The following KPNA6 variants were observed in gnomAD, a reference collection of about 807,000 sequenced individuals.
The protein encoded by KPNA6 is importin subunit alpha-7.
In KPNA6, 9 loss-of-function variants were observed where a neutral mutation model predicts 72.0. The ratio of observed to expected loss-of-function variants is 0.13; its 90% CI spans 0.08 to 0.22. The LOEUF is 0.22. Ranked by LOEUF, KPNA6 falls within the 10% of genes least tolerant of loss-of-function variation. The probability of loss-of-function intolerance (pLI) is 1.00; values close to 1 mark genes in which losing one functional copy is unlikely to be tolerated. For missense variants in KPNA6, 374 were observed against 655.7 expected (o/e 0.57, Z 4.69); for synonymous variants, 219 against 242.1 (o/e 0.90, Z 0.89).
intron 1 of KPNA6, among the ~76,000 whole-genome samples, chr1:32,109,798 C>G (rs767656514): frequency 3.3e-5 from 5 of 151,784 alleles, no homozygotes; most frequent in African/African-American, 9.7e-5. Context: ...GTGCCCGCCA[C>G]CACGCCTGGA....
chr1:32,157,295 A>C (rs777174001), intron 3 of KPNA6, 51 bp from the exon 4 acceptor site: 2 of 1,398,990 alleles, frequency 1.4e-6, no homozygotes, highest in South Asian at 2.3e-5. Flanking sequence ...ATGTGCTCAC[A>C]TCTGGCTCTA....
At chr1:32,114,449 A>T (rs1014221035) in intron 1 of KPNA6, among the ~76,000 whole-genome samples, 64 of 146,284 alleles carry the variant, frequency 4.4e-4, no homozygotes, top group Admixed American at 2.2e-3. Flanking sequence ...CTCAAAAAAA[A>T]AAATATATAT....
intron 8 of KPNA6, 129 bp downstream of exon 8, chr1:32,162,175 T>C: frequency 1.1e-6 from 1 of 908,680 alleles, no homozygotes; most frequent in South Asian, 1.5e-5. Context: ...GTGAAGTAGA[T>C]GATCTTGTGT....
In KPNA6 at chr1:32,171,059, A is replaced by G; in HGVS notation, c.*165A>G. 1 of 618,842 alleles carries G rather than the reference A, an allele frequency of 1.6e-6. No homozygotes were observed. The allele number at this position is 618,842 out of a possible 1,614,324, so 38.3% of individuals were successfully genotyped here. ...CTCCGCCCCCTTCCCTGGAGGGAGCACCCTCTGGACAGACAGAACCATCTG... is the reference window on the plus strand; with the variant it reads ...CTCCGCCCCCTTCCCTGGAGGGAGCGCCCTCTGGACAGACAGAACCATCTG... On this transcript the variant is annotated 3_prime_UTR_variant, in exon 14 of 14. Transcript: ENST00000373625.
intron 1 of KPNA6, among the ~76,000 whole-genome samples, chr1:32,112,437 T>C (rs1641257396): frequency 6.6e-6 from 1 of 152,196 alleles, no homozygotes; most frequent in South Asian, 2.1e-4. Context: ...CTTTATACTA[T>C]ACTGTAGTCT....
chr1:32,148,132 TCTCA>T (rs1641963643), intron 1 of KPNA6, among the ~76,000 whole-genome samples: 1 of 152,192 alleles, frequency 6.6e-6, no homozygotes, highest in African/African-American at 2.4e-5. Flanking sequence ...TGAGACAGAA[TCTCA>T]CTCTATCACC....
intron 1 of KPNA6, among the ~76,000 whole-genome samples, chr1:32,132,491 T>C (rs920283523): frequency 6.6e-6 from 1 of 152,218 alleles, no homozygotes. Context: ...GGTTTTGCCA[T>C]GTTGCCCAGA....
At chr1:32,160,801 A>G in intron 7 of KPNA6, 98 bp downstream of exon 7, 1 of 824,416 alleles carries the variant, frequency 1.2e-6, no homozygotes, top group Non-Finnish European at 2.1e-6. Flanking sequence ...ATGATAGGTA[A>G]GTGCAAAAAC....
rs548218705 is a variant in KPNA6, at chr1:32,157,013, G to A, written c.231+68G>A. ...TGCTTCTAAGGACAGAAATTGGGCC[G>A]TTCACATCATCTACCAGCTTTGCCA... is the stretch of plus-strand genomic sequence containing the variant. On this transcript the variant is annotated intron_variant, in intron 3 of 13. Transcript: ENST00000373625. 1.9e-4 allele frequency: 214 copies of A among 1,131,698 alleles called. 1 individual carries two copies. Among genetic ancestry groups the A allele is most frequent in the Non-Finnish European group, 2.6e-4 (199 of 761,254 alleles). The allele number at this position is 1,131,698 out of a possible 1,614,324, so 70.1% of individuals were successfully genotyped here. A position where few individuals can be genotyped will look rare whatever the true frequency, so the allele number is the denominator to read the frequency against.
chr1:32,169,320 G>C (rs994569937), intron 12 of KPNA6, among the ~76,000 whole-genome samples: 1 of 150,614 alleles, frequency 6.6e-6, no homozygotes, highest in Non-Finnish European at 1.5e-5. Context: ...AGCTGGGATC[G>C]CACCAGTGCA....
intron 6 of KPNA6, among the ~76,000 whole-genome samples, chr1:32,160,299 CA>C (rs535456428): frequency 0.21 from 16,018 of 77,382 alleles, 780 homozygotes; most frequent in South Asian, 0.31. Flanking sequence ...GACTCCGTCT[CA>C]AAAAAAAAAA....
intron 1 of KPNA6, among the ~76,000 whole-genome samples, chr1:32,154,188 C>T (rs958963674): frequency 5.9e-5 from 9 of 151,900 alleles, no homozygotes; most frequent in Non-Finnish European, 1.0e-4. Flanking sequence ...GTCTGCAGAC[C>T]CCTGGGATTA....
Position 32,117,089 on chromosome 1 carries a change from G to A in KPNA6, c.4+8955G>A, listed in dbSNP as rs565595870. Among the ~76,000 whole-genome samples the A allele has an allele frequency of 2.7e-4, 41 of 151,862 alleles. No individual in the cohort carries two copies. In the South Asian group the frequency reaches 7.3e-3, roughly 27 times the overall value. ...ATATTACGAGAATTACCAAAATGTG[G>A]CACAAAGTGAACACATGCTGCTGGA... On this transcript the variant is annotated intron_variant, in intron 1 of 13. Transcript: ENST00000373625.
chr1:32,116,033 T>G (rs1270486323), intron 1 of KPNA6, among the ~76,000 whole-genome samples: 1 of 152,126 alleles, frequency 6.6e-6, no homozygotes, highest in African/African-American at 2.4e-5. Flanking sequence ...CATAAGCCAC[T>G]GCGCTCGGCT....
At chr1:32,110,822 G>A (rs1429070735) in intron 1 of KPNA6, among the ~76,000 whole-genome samples, 4 of 152,254 alleles carry the variant, frequency 2.6e-5, no homozygotes, top group South Asian at 2.1e-4. Flanking sequence ...GCTTGAACCC[G>A]GGAGGCGGAG....
At position 32,172,087 on chromosome 1, in the gene KPNA6, A is replaced by G. The variant is rs887814993; in HGVS notation, c.*1193A>G. ...TATATTCTATATATTAGGTAGGTCA[A>G]TCTTAATTGGTCTCAAGAGGAAGAA... On this transcript the variant is annotated 3_prime_UTR_variant, in exon 14 of 14. Transcript: ENST00000373625. 6.6e-6 allele frequency: 1 copy of G among 152,148 alleles called. No individual in the cohort carries two copies. The highest frequency in any genetic ancestry group is 2.4e-5 in the African/African-American group (1 of 41,430). The allele number at this position is 152,148 out of a possible 1,614,324, so 9.4% of individuals were successfully genotyped here.
chr1:32,145,041 C>T (rs529100865), intron 1 of KPNA6, among the ~76,000 whole-genome samples: 23 of 151,880 alleles, frequency 1.5e-4, no homozygotes, highest in African/African-American at 5.3e-4. Flanking sequence ...CAAACTCCGC[C>T]TCCCAGGTTC....
At position 32,170,958 on chromosome 1, in the gene KPNA6, G is replaced by T; in HGVS notation, c.*64G>T. The T allele has an allele frequency of 6.8e-7, 1 of 1,474,436 alleles. No individual in the cohort carries two copies. 91.3% of individuals were successfully genotyped at this position (1,474,436 alleles called of 1,614,324 possible). On this transcript the variant is annotated 3_prime_UTR_variant, in exon 14 of 14. Transcript: ENST00000373625. The stretch of plus-strand genomic sequence containing the variant: ...CCAGCCAGCGGAAGAGCAGCCCTCT[G>T]GTGGGCGGGAAACCAGTGTCCCCAC...
intron 11 of KPNA6, 132 bp downstream of exon 11, chr1:32,166,362 C>T (rs1481158244): frequency 3.7e-6 from 4 of 1,093,944 alleles, no homozygotes; most frequent in Non-Finnish European, 5.2e-6. Flanking sequence ...CACGGTGGCT[C>T]ACGCCTGTAG....
Sources: gnomAD v4.1 joint callset for allele counts (sites outside exome capture counted in the v4.1 genomes callset) on GRCh38, gnomAD v4.1.1 for gene constraint, MANE v1.5 for transcripts, NCBI Gene and HGNC (gene_info 2026-07-23, HGNC 2026-07-21) for gene names.